FAM227B: variants seen among roughly 807,000 people sequenced by gnomAD.
FAM227B encodes protein FAM227B.
FAM227B carries 88 observed loss-of-function variants against 73.8 expected under a neutral mutation model. The observed-to-expected ratio is 1.19, with a 90% CI of 1.00 to 1.42. FAM227B has a LOEUF of 1.42. FAM227B is among the 40% of genes most tolerant of loss of function. FAM227B has a pLI of 0.00. For synonymous variants in FAM227B, 210 were observed against 190.5 expected, an observed-to-expected ratio of 1.10 and a Z score of -0.84; for missense variants, 632 against 590.9, an observed-to-expected ratio of 1.07 and a Z score of -0.72.
chr15:49,366,832 ACT>A (rs1195772083), intron 13 of FAM227B: 5 of 542,032 alleles, frequency 9.2e-6, no homozygotes, highest in African/African-American at 2.0e-5. Context: ...TGCAGCCCAC[ACT>A]CTAATTTAGT....
chr15:49,476,167 G>GACC (rs2055249417), intron 11 of FAM227B, among the ~76,000 whole-genome samples: 1 of 147,360 alleles, frequency 6.8e-6, no homozygotes, highest in Non-Finnish European at 1.5e-5. Context: ...ATCCTCCGTT[G>GACC]ACCACTTGAC....
chr15:49,424,172 C>A, intron 11 of FAM227B: 2 of 812,774 alleles, frequency 2.5e-6, no homozygotes, highest in Non-Finnish European at 3.9e-6. Context: ...TTGGAAAGAG[C>A]AACTACTCTT....
intron 10 of FAM227B, among the ~76,000 whole-genome samples, chr15:49,539,083 T>C (rs1343597877): frequency 2.0e-5 from 3 of 152,110 alleles, no homozygotes; most frequent in African/African-American, 7.2e-5. Context: ...ATGCTGGTTT[T>C]GGTGGGGAAA....
intron 13 of FAM227B, among the ~76,000 whole-genome samples, chr15:49,350,798 T>G (rs1208794742): frequency 2.6e-5 from 4 of 152,138 alleles, no homozygotes; most frequent in Admixed American, 2.6e-4. Flanking sequence ...AACAGTGCTC[T>G]CTAAGATATG....
chr15:49,327,909 T>G lies in FAM227B; in HGVS notation c.*659A>C, dbSNP rs754537910. The G allele has an allele frequency of 5.1e-6, 8 of 1,566,862 alleles. No individual in the cohort carries two copies. Among genetic ancestry groups the G allele is most frequent in the African/African-American group, 1.4e-5 (1 of 73,276 alleles). The stretch of plus-strand genomic sequence containing the variant: ...ACAAACACCAAGCAAATCCCTTGTA[T>G]TTTCATTTATAGGTTCTAATATTTT... On this transcript the variant is annotated 3_prime_UTR_variant, in exon 16 of 16. Transcript: ENST00000299338.
At chr15:49,407,391 C>T (rs1344952363) in intron 11 of FAM227B, among the ~76,000 whole-genome samples, 3 of 152,080 alleles carry the variant, frequency 2.0e-5, no homozygotes, top group African/African-American at 7.2e-5. Flanking sequence ...CTTTTTCCCA[C>T]TTCAGCCCAG....
At chr15:49,601,041 CAA>C (rs1215100007) in intron 3 of FAM227B, among the ~76,000 whole-genome samples, 21 of 90,792 alleles carry the variant, frequency 2.3e-4, no homozygotes, top group Admixed American at 2.4e-4. Context: ...GACTCTGTCT[CAA>C]AAAAAAAAAA....
At chr15:49,505,795 CA>C (rs2058537745) in intron 11 of FAM227B, among the ~76,000 whole-genome samples, 1 of 151,668 alleles carries the variant, frequency 6.6e-6, no homozygotes, top group African/African-American at 2.4e-5. Flanking sequence ...TTAATCATAT[CA>C]ATAATTACAT....
chr15:49,343,353 G>A (rs1033840121), intron 13 of FAM227B, among the ~76,000 whole-genome samples: 1 of 151,958 alleles, frequency 6.6e-6, no homozygotes, highest in African/African-American at 2.4e-5. Context: ...AATTTCAGTT[G>A]AGTTTTTGAA....
intron 3 of FAM227B, among the ~76,000 whole-genome samples, chr15:49,596,939 TGCACCTAAA>T (rs1462073995): frequency 6.6e-6 from 1 of 151,992 alleles, no homozygotes; most frequent in Non-Finnish European, 1.5e-5. Context: ...TAAATATATA[TGCACCTAAA>T]ACTGCAGCTC....
chr15:49,593,151 T>C (rs933312729), intron 3 of FAM227B, among the ~76,000 whole-genome samples: 1 of 152,068 alleles, frequency 6.6e-6, no homozygotes, highest in Admixed American at 6.6e-5. Flanking sequence ...CTGGGTGAGG[T>C]GATGCCCCGC....
chr15:49,421,367 T>TA (rs1480300636), intron 11 of FAM227B, among the ~76,000 whole-genome samples: 1 of 152,252 alleles, frequency 6.6e-6, no homozygotes, highest in African/African-American at 2.4e-5. Context: ...AAACCATTGA[T>TA]ACAGTTCCCT....
intron 8 of FAM227B, among the ~76,000 whole-genome samples, chr15:49,572,050 A>C (rs1169388689): frequency 1.3e-5 from 2 of 152,014 alleles, no homozygotes; most frequent in African/African-American, 2.4e-5. Flanking sequence ...TTTCTAGTAT[A>C]CAGATCTCTC....
intron 11 of FAM227B, among the ~76,000 whole-genome samples, chr15:49,383,979 A>C (rs2046711900): frequency 6.6e-6 from 1 of 152,008 alleles, no homozygotes; most frequent in Non-Finnish European, 1.5e-5. Flanking sequence ...TTAACATCCC[A>C]ATGTGTTCCT....
chr15:49,328,207 G>T lies in FAM227B; in HGVS notation c.*361C>A, dbSNP rs1567071947. The T allele has an allele frequency of 6.4e-7, 1 of 1,562,426 alleles. No individual in the cohort carries two copies. ...AAACTACTTAGGGCACTTAGGAATT[G>T]GCAGGACTTTCTGTGCCACAGTAAA... On this transcript the variant is annotated 3_prime_UTR_variant, in exon 16 of 16. Coordinates refer to ENST00000299338, the MANE Select transcript of FAM227B (RefSeq NM_152647.3).
At chr15:49,491,633 T>C (rs1008247408) in intron 11 of FAM227B, among the ~76,000 whole-genome samples, 9 of 151,868 alleles carry the variant, frequency 5.9e-5, no homozygotes, top group South Asian at 2.1e-4. Context: ...ATTCCCAAAC[T>C]TGCCCCTGCC....
At chr15:49,611,127 T>C (rs2077884911) in intron 3 of FAM227B, 88 bp downstream of exon 3, 2 of 772,112 alleles carry the variant, frequency 2.6e-6, no homozygotes, top group Non-Finnish European at 4.3e-6. Flanking sequence ...AAATTTCTAG[T>C]CTTAAAGTTT....
intron 15 of FAM227B, chr15:49,329,434 T>A (rs1045074640): frequency 1.0e-6 from 1 of 984,776 alleles, no homozygotes; most frequent in African/African-American, 1.7e-5. Flanking sequence ...GAATTACTTA[T>A]TATTCTGTGA....
At chr15:49,421,457 C>T (rs2049619203) in intron 11 of FAM227B, among the ~76,000 whole-genome samples, 1 of 152,212 alleles carries the variant, frequency 6.6e-6, no homozygotes, top group Non-Finnish European at 1.5e-5. Flanking sequence ...AATGCACTTT[C>T]ATAGATCACA....
Sources: gnomAD v4.1 joint callset for allele counts (sites outside exome capture counted in the v4.1 genomes callset) on GRCh38, gnomAD v4.1.1 for gene constraint, MANE v1.5 for transcripts, NCBI Gene and HGNC (gene_info 2026-07-23, HGNC 2026-07-21) for gene names.